Variants in FLT1 observed in about 807,000 individuals in gnomAD.
The protein encoded by FLT1 is vascular endothelial growth factor receptor 1.
A neutral mutation model predicts 156.3 loss-of-function variants in FLT1; 49 were observed. The ratio of observed to expected loss-of-function variants is 0.31; its 90% CI spans 0.25 to 0.40. The LOEUF is 0.40. Ranked by LOEUF, FLT1 falls within the 10% of genes least tolerant of loss-of-function variation. The probability of loss-of-function intolerance (pLI) is 1.00; values close to 1 mark genes in which losing one functional copy is unlikely to be tolerated. For missense variants in FLT1, 1,322 were observed against 1,637.2 expected, an observed-to-expected ratio of 0.81 and a Z score of 3.32; for synonymous variants, 594 against 583.8, an observed-to-expected ratio of 1.02 and a Z score of -0.25.
intron 13 of FLT1, chr13:28,388,120 A>G: frequency 9.5e-7 from 1 of 1,057,664 alleles, no homozygotes; most frequent in Non-Finnish European, 1.1e-6. Context: ...CTTATAATGA[A>G]CAAAGAAGCC....
chr13:28,309,984 G>A (rs1217072224), intron 27 of FLT1, among the ~76,000 whole-genome samples: 2 of 136,936 alleles, frequency 1.5e-5, no homozygotes, highest in East Asian at 4.4e-4. Context: ...CCGCCTCCCT[G>A]GTTCAAGTGA....
At chr13:28,398,292 G>A (rs1426831504) in intron 11 of FLT1, among the ~76,000 whole-genome samples, 2 of 152,188 alleles carry the variant, frequency 1.3e-5, no homozygotes, top group East Asian at 3.8e-4. Context: ...GAGTGTCCTT[G>A]CTGAAGTATA....
intron 10 of FLT1, among the ~76,000 whole-genome samples, chr13:28,422,719 C>T (rs1354959865): frequency 6.6e-6 from 1 of 152,278 alleles, no homozygotes; most frequent in African/African-American, 2.4e-5. Flanking sequence ...CCATTCAGGC[C>T]ACACAATTGT....
intron 16 of FLT1, among the ~76,000 whole-genome samples, chr13:28,345,050 G>A (rs1872513760): frequency 6.6e-6 from 1 of 151,852 alleles, no homozygotes; most frequent in Non-Finnish European, 1.5e-5. Flanking sequence ...CGATCCTCCT[G>A]CCTTGGTCTC....
chr13:28,400,928 T>C (rs1875391491), intron 11 of FLT1, among the ~76,000 whole-genome samples: 1 of 152,130 alleles, frequency 6.6e-6, no homozygotes, highest in Admixed American at 6.5e-5. Context: ...AGTGCTGAAA[T>C]AAAATTAGAC....
Position 28,390,037 on chromosome 13 carries a change from A to G in FLT1, c.1728T>C (p.Ser576=). 8.1e-6 allele frequency: 13 copies of G among 1,614,212 alleles called. No individual in the cohort carries two copies. The highest frequency in any genetic ancestry group is 1.1e-5 in the Non-Finnish European group (13 of 1,180,026). Reference sequence around the variant, plus strand: ...TGTATAAGAACTTGTTAACTGTGCAAGACAGTTTCAGGTCCTCTCCTTCCG... The same window carrying G: ...TGTATAAGAACTTGTTAACTGTGCAGGACAGTTTCAGGTCCTCTCCTTCCG... ...MPTEGEDLKL[S]CTVNKFLYRD... is the part of the protein sequence containing the mutation. The change falls in exon 13 of 30, where the codon TCT becomes TCC. Residue 576 remains serine, a synonymous_variant. Coordinates refer to ENST00000282397, the MANE Select transcript of FLT1 (RefSeq NM_002019.4).
At chr13:28,385,808 T>G in intron 13 of FLT1, 1 of 1,046,358 alleles carries the variant, frequency 9.6e-7, no homozygotes, top group Non-Finnish European at 1.2e-6. Flanking sequence ...ATTACAACAT[T>G]AAAATCCCAC....
At chr13:28,493,772 T>G (rs1476006455) in intron 1 of FLT1, among the ~76,000 whole-genome samples, 1 of 152,202 alleles carries the variant, frequency 6.6e-6, no homozygotes, top group Non-Finnish European at 1.5e-5. Context: ...GACCCCTCAA[T>G]GGCGGCGGTC....
chr13:28,395,990 C>A (rs1269752945), intron 12 of FLT1, among the ~76,000 whole-genome samples: 1 of 152,186 alleles, frequency 6.6e-6, no homozygotes, highest in Admixed American at 6.5e-5. Flanking sequence ...CAGTGCAAAC[C>A]TTTGTATTTA....
intron 27 of FLT1, among the ~76,000 whole-genome samples, chr13:28,310,699 C>T (rs557165965): frequency 7.2e-5 from 11 of 152,222 alleles, no homozygotes; most frequent in African/African-American, 1.7e-4. Context: ...GGGATAGATG[C>T]GTTTGTTAGG....
intron 14 of FLT1, among the ~76,000 whole-genome samples, chr13:28,364,076 A>G (rs1388701184): frequency 1.3e-5 from 2 of 151,802 alleles, no homozygotes; most frequent in African/African-American, 4.8e-5. Context: ...CTGTTGTCCT[A>G]TTTGTCTTTT....
In FLT1 at chr13:28,312,094, G is replaced by C. The variant is rs760860711; in HGVS notation, c.3391C>G (p.Gln1131Glu). 53 of 1,604,272 alleles carry C rather than the reference G, an allele frequency of 3.3e-5. 1 individual carries two copies. In the South Asian group the frequency reaches 5.0e-4, roughly 15 times the overall value. ...CTGTGCCAGCAGTCCAGCATGATCT[G>C]ATAGCTGGTGGGGAAAACAGCAACA... ...APEYSTPEIY[Q>E]IMLDCWHRDP... The change falls in exon 26 of 30, where the codon CAG (glutamine) becomes GAG (glutamate). Residue 1131 changes from glutamine (Q) to glutamate (E), a missense_variant. Transcript: ENST00000282397.
In FLT1 at chr13:28,302,536, G is replaced by C. The variant is rs1217634848; in HGVS notation, c.*631C>G. The C allele has an allele frequency of 4.3e-6, 1 of 233,214 alleles. No homozygotes were observed. Among genetic ancestry groups the C allele is most frequent in the Non-Finnish European group, 8.5e-6 (1 of 118,120 alleles). The allele number at this position is 233,214 out of a possible 1,614,324, so 14.4% of individuals were successfully genotyped here. A position where few individuals can be genotyped will look rare whatever the true frequency, so the allele number is the denominator to read the frequency against. ...CCTCATCGCTGTCCATCTGCTCCTG[G>C]CTGGGCCCTCAAATGTAGAAGGGTC... On this transcript the variant is annotated 3_prime_UTR_variant, in exon 30 of 30. Coordinates refer to ENST00000282397, the MANE Select transcript of FLT1 (RefSeq NM_002019.4).
intron 16 of FLT1, among the ~76,000 whole-genome samples, 181 bp downstream of exon 16, chr13:28,345,264 C>T (rs1336499609): frequency 6.6e-6 from 1 of 152,076 alleles, no homozygotes; most frequent in Admixed American, 6.6e-5. Flanking sequence ...TTGAACACCC[C>T]CCCTTGTGGC....
At chr13:28,474,103 C>A (rs942613182) in intron 1 of FLT1, among the ~76,000 whole-genome samples, 1 of 152,118 alleles carries the variant, frequency 6.6e-6, no homozygotes, top group African/African-American at 2.4e-5. Context: ...TCTCCTTGAT[C>A]TCAAGCTTCC....
chr13:28,448,635 T>C (rs1878747102), intron 3 of FLT1, among the ~76,000 whole-genome samples: 1 of 152,054 alleles, frequency 6.6e-6, no homozygotes, highest in South Asian at 2.1e-4. Context: ...GGCTATGGAG[T>C]TTATTTTGAG....
At chr13:28,406,974 G>C (rs558026052) in intron 10 of FLT1, among the ~76,000 whole-genome samples, 87 of 152,282 alleles carry the variant, frequency 5.7e-4, no homozygotes, top group African/African-American at 2.0e-3. Flanking sequence ...AGCTGAGAAG[G>C]AACTCCAGAG....
chr13:28,396,558 T>A (rs993019210), intron 12 of FLT1, among the ~76,000 whole-genome samples: 2 of 152,176 alleles, frequency 1.3e-5, no homozygotes, highest in African/African-American at 4.8e-5. Flanking sequence ...TGTAAAAAAA[T>A]TAACCTTTTG....
intron 16 of FLT1, among the ~76,000 whole-genome samples, chr13:28,341,847 A>G (rs1432733648): frequency 6.6e-6 from 1 of 152,168 alleles, no homozygotes. Context: ...CACCTCTTCA[A>G]TCTAGTCCCA....
Sources: allele counts gnomAD v4.1 joint callset (sites outside exome capture counted in the v4.1 genomes callset), GRCh38; gene constraint gnomAD v4.1.1; transcripts MANE v1.5; gene names NCBI Gene and HGNC (gene_info 2026-07-23, HGNC 2026-07-21).